Variants in FBXO25 observed in about 807,000 individuals in gnomAD.
FBXO25 encodes F-box protein 25, also known as F-box only protein 25.
In FBXO25, 45 loss-of-function variants were observed where a neutral mutation model predicts 51.9. The ratio of observed to expected loss-of-function variants is 0.87; its 90% CI spans 0.68 to 1.11. The LOEUF (loss-of-function observed/expected upper bound fraction) is 1.11. Ranked by LOEUF, FBXO25 falls within the 50% of genes most tolerant of loss-of-function variation. FBXO25 has a pLI of 0.00. For missense variants in FBXO25, 507 were observed against 428.5 expected, an observed-to-expected ratio of 1.18 and a Z score of -1.62; for synonymous variants, 199 against 151.0, an observed-to-expected ratio of 1.32 and a Z score of -2.33.
chr8:420,737 A>T (rs751278528), intron 2 of FBXO25, among the ~76,000 whole-genome samples: 2 of 152,358 alleles, frequency 1.3e-5, no homozygotes, highest in East Asian at 1.9e-4. Flanking sequence ...AAGCACAACC[A>T]TAAGGAAGAC....
At chr8:449,306 G>T (rs1798931514) in intron 5 of FBXO25, among the ~76,000 whole-genome samples, 1 of 152,232 alleles carries the variant, frequency 6.6e-6, no homozygotes, top group Non-Finnish European at 1.5e-5. Flanking sequence ...GGAAAAGCAG[G>T]GCATCCCTGG....
intron 2 of FBXO25, among the ~76,000 whole-genome samples, chr8:428,873 C>G (rs1318033019): frequency 1.3e-5 from 2 of 152,164 alleles, no homozygotes; most frequent in South Asian, 4.1e-4. Flanking sequence ...TCAGCATTTC[C>G]TTTTTCAGAC....
chr8:419,819 C>G lies in FBXO25; in HGVS notation c.134+6606C>G, dbSNP rs949130263. Among the ~76,000 whole-genome samples, 3 of 151,994 alleles carry G rather than the reference C, an allele frequency of 2.0e-5. No homozygotes were observed. The South Asian group carries it at 6.2e-4, about 32-fold the overall frequency. On this transcript the variant is annotated intron_variant, in intron 2 of 9. Coordinates refer to ENST00000350302, the MANE Select transcript of FBXO25 (RefSeq NM_183420.2). ...AAAAAATCTATAATTTGCATTTTAT[C>G]AAAATTTTAAAATTCTACTCTCAGA...
At chr8:463,968 TTTTG>T (rs1406446323) in intron 9 of FBXO25, among the ~76,000 whole-genome samples, 3 of 151,924 alleles carry the variant, frequency 2.0e-5, no homozygotes, top group Admixed American at 1.3e-4. Flanking sequence ...CACTTCTTTT[TTTTG>T]TTTGTTTTTT....
intron 9 of FBXO25, among the ~76,000 whole-genome samples, chr8:467,238 A>G (rs1800228085): frequency 6.6e-6 from 1 of 152,180 alleles, no homozygotes; most frequent in Non-Finnish European, 1.5e-5. Context: ...CAAGTGTCAG[A>G]GGTGGAGGCT....
intron 2 of FBXO25, among the ~76,000 whole-genome samples, chr8:422,488 C>T (rs1277088027): frequency 3.3e-5 from 5 of 152,004 alleles, no homozygotes; most frequent in Admixed American, 1.3e-4. Flanking sequence ...CAGCAGCAGA[C>T]GGGCTCTGGT....
intron 7 of FBXO25, among the ~76,000 whole-genome samples, chr8:452,791 A>T (rs564851386): frequency 1.3e-5 from 2 of 152,342 alleles, no homozygotes; most frequent in South Asian, 4.1e-4. Flanking sequence ...GACAACAGCG[A>T]AGCTCCAAGG....
At chr8:458,207 G>A (rs1239797537) in intron 7 of FBXO25, among the ~76,000 whole-genome samples, 162 bp from the exon 8 acceptor site, 1 of 152,180 alleles carries the variant, frequency 6.6e-6, no homozygotes, top group Middle Eastern at 3.2e-3. Flanking sequence ...CCTTCCCCAC[G>A]GTGGTGGATG....
intron 5 of FBXO25, 94 bp downstream of exon 5, chr8:435,801 A>G (rs1798070457): frequency 1.3e-6 from 2 of 1,516,928 alleles, no homozygotes; most frequent in Non-Finnish European, 1.8e-6. Context: ...TGCTTTTGGC[A>G]GCTTGAAGGT....
rs564573099 is a variant in FBXO25 at position 442,556 on chromosome 8, G to A, written c.381+6849G>A. Among the ~76,000 whole-genome samples, 27 of 151,694 alleles carry A rather than the reference G, an allele frequency of 1.8e-4. 1 individual carries two copies. Among genetic ancestry groups the A allele is most frequent in the African/African-American group, 4.8e-4 (20 of 41,414 alleles). On this transcript the variant is annotated intron_variant, in intron 5 of 9. Coordinates refer to ENST00000350302, the MANE Select transcript of FBXO25 (RefSeq NM_183420.2). The stretch of plus-strand genomic sequence containing the variant: ...ATAATCTTGGCCCACTGCAACTTCC[G>A]CCCCCCGGGTTCAAGCGATTCTCCT...
intron 1 of FBXO25, among the ~76,000 whole-genome samples, chr8:411,692 C>G (rs187461176): frequency 6.6e-6 from 1 of 152,132 alleles, no homozygotes; most frequent in Admixed American, 6.5e-5. Flanking sequence ...ACACGCTAAT[C>G]ATTTCAGACA....
At chr8:463,308 G>GC (rs1799939005) in intron 9 of FBXO25, among the ~76,000 whole-genome samples, 158 bp downstream of exon 9, 1 of 152,256 alleles carries the variant, frequency 6.6e-6, no homozygotes, top group African/African-American at 2.4e-5. Flanking sequence ...TAGGGGAACA[G>GC]ATGTTCATTC....
chr8:436,154 A>T (rs1355488060), intron 5 of FBXO25, among the ~76,000 whole-genome samples: 1 of 152,242 alleles, frequency 6.6e-6, no homozygotes, highest in Admixed American at 6.5e-5. Flanking sequence ...TACAAAATAG[A>T]ATTCCACAAA....
chr8:421,055 G>A (rs1365174521), intron 2 of FBXO25, among the ~76,000 whole-genome samples: 2 of 152,212 alleles, frequency 1.3e-5, no homozygotes, highest in Non-Finnish European at 2.9e-5. Context: ...AGCCTGTTAG[G>A]ACCTGGGCCA....
intron 2 of FBXO25, among the ~76,000 whole-genome samples, chr8:428,466 C>G (rs1483612877): frequency 6.6e-6 from 1 of 151,016 alleles, no homozygotes; most frequent in African/African-American, 2.4e-5. Flanking sequence ...GCACCTCAGA[C>G]AGCATGAACA....
intron 4 of FBXO25, among the ~76,000 whole-genome samples, chr8:433,621 C>G (rs966250880): frequency 9.2e-5 from 14 of 152,158 alleles, no homozygotes; most frequent in African/African-American, 3.4e-4. Flanking sequence ...CAAGCTGTTT[C>G]CTGTTTCTTT....
chr8:445,300 A>G (rs1798670132), intron 5 of FBXO25, among the ~76,000 whole-genome samples: 1 of 152,196 alleles, frequency 6.6e-6, no homozygotes, highest in Non-Finnish European at 1.5e-5. Context: ...TATTAAAGAA[A>G]TGTAGAAAAC....
At position 469,339 on chromosome 8, in the gene FBXO25, G is replaced by A. The variant is rs559800713; in HGVS notation, c.*535G>A. The A allele has an allele frequency of 6.5e-6, 1 of 152,806 alleles. No homozygotes were observed. Among genetic ancestry groups the A allele is most frequent in the Non-Finnish European group, 1.5e-5 (1 of 68,528 alleles). The allele number at this position is 152,806 out of a possible 1,614,324, so 9.5% of individuals were successfully genotyped here. A position where few individuals can be genotyped will look rare whatever the true frequency, so the allele number is the denominator to read the frequency against. On this transcript the variant is annotated 3_prime_UTR_variant, in exon 10 of 10. Transcript: ENST00000350302. ...ACCCAGGGCAATGACAGCCATTCTT[G>A]TCTTAGGGATTATGGATCGGGGTAT...
At chr8:412,762 T>A (rs1462771855) in intron 1 of FBXO25, among the ~76,000 whole-genome samples, 1 of 152,222 alleles carries the variant, frequency 6.6e-6, no homozygotes, top group Admixed American at 6.5e-5. Context: ...TTGTTTGGAA[T>A]AATATTCCCT....
Sources: gnomAD v4.1 joint callset for allele counts (sites outside exome capture counted in the v4.1 genomes callset) on GRCh38, gnomAD v4.1.1 for gene constraint, MANE v1.5 for transcripts, NCBI Gene and HGNC (gene_info 2026-07-23, HGNC 2026-07-21) for gene names.